Variants in DLG1 observed in about 807,000 individuals in gnomAD.
DLG1 encodes the protein discs large MAGUK scaffold protein 1.
In DLG1, 42 loss-of-function variants were observed where a neutral mutation model predicts 123.4. That is an observed-to-expected ratio of 0.34 (90% CI 0.27 to 0.44). DLG1 has a LOEUF of 0.44. Among genes scored for constraint, DLG1 ranks in the 20% least tolerant of loss-of-function variants. The pLI is 1.00. For missense variants in DLG1, 942 were observed against 1,082.6 expected, an observed-to-expected ratio of 0.87 and a Z score of 1.82; for synonymous variants, 317 against 356.2, an observed-to-expected ratio of 0.89 and a Z score of 1.24.
At chr3:197,089,071 C>A (rs1030917163) in intron 15 of DLG1, among the ~76,000 whole-genome samples, 1 of 151,760 alleles carries the variant, frequency 6.6e-6, no homozygotes, top group Non-Finnish European at 1.5e-5. Context: ...GCAGTATATG[C>A]ATGTTATTTA....
At chr3:197,076,310 A>C (rs1578628700) in intron 18 of DLG1, among the ~76,000 whole-genome samples, 1 of 152,360 alleles carries the variant, frequency 6.6e-6, no homozygotes, top group South Asian at 2.1e-4. Context: ...TTTTCATAAA[A>C]ATCTTTCCTT....
Position 197,115,949 on chromosome 3 carries a change from C to T in DLG1, c.1421G>A (p.Arg474Lys), listed in dbSNP as rs1482015206. 6 of 1,612,734 alleles carry T rather than the reference C, an allele frequency of 3.7e-6. No individual in the cohort carries two copies. The Admixed American group carries it at 1.0e-4, about 27-fold the overall frequency. ...TACCGATATAATACGATCTCCTTTTCTGAGCTCTCCACTTAGATCAGCAGG... is the reference window on the plus strand; with the variant it reads ...TACCGATATAATACGATCTCCTTTTTTGAGCTCTCCACTTAGATCAGCAGG... ...GGPADLSGEL[R>K]KGDRIISVNS... The change falls in exon 13 of 25, where the codon AGA becomes AAA. Residue 474 changes from arginine (R) to lysine (K), a missense_variant. Transcript: ENST00000667157.
intron 5 of DLG1, among the ~76,000 whole-genome samples, chr3:197,171,233 A>G (rs1400322749): frequency 6.6e-6 from 1 of 152,184 alleles, no homozygotes; most frequent in Non-Finnish European, 1.5e-5. Flanking sequence ...AGATTTATAA[A>G]AACTCTGCTT....
At chr3:197,292,536 A>G (rs1363846901) in intron 3 of DLG1, among the ~76,000 whole-genome samples, 3 of 152,216 alleles carry the variant, frequency 2.0e-5, no homozygotes, top group Non-Finnish European at 4.4e-5. Flanking sequence ...GTTTCACAAC[A>G]ATATGAATAC....
chr3:197,204,518 G>C (rs1216924702), intron 4 of DLG1, among the ~76,000 whole-genome samples: 1 of 152,144 alleles, frequency 6.6e-6, no homozygotes, highest in Non-Finnish European at 1.5e-5. Context: ...CATTAACTGG[G>C]AGCTGGAATG....
chr3:197,289,962 C>T (rs150991447), intron 3 of DLG1, among the ~76,000 whole-genome samples: 5 of 152,276 alleles, frequency 3.3e-5, no homozygotes, highest in African/African-American at 1.2e-4. Context: ...GGAACCAGAG[C>T]TTCTCAGAGA....
At chr3:197,072,297 A>G (rs1377327028) in intron 18 of DLG1, among the ~76,000 whole-genome samples, 4 of 152,072 alleles carry the variant, frequency 2.6e-5, no homozygotes, top group African/African-American at 9.7e-5. Flanking sequence ...AATTCTTTGA[A>G]GAGGATTTAG....
chr3:197,057,864 T>C (rs1732883390), intron 23 of DLG1, among the ~76,000 whole-genome samples: 1 of 152,222 alleles, frequency 6.6e-6, no homozygotes, highest in Non-Finnish European at 1.5e-5. Flanking sequence ...TATTGTATTT[T>C]ATTTTCAAAG....
intron 6 of DLG1, among the ~76,000 whole-genome samples, chr3:197,145,055 T>TCTCTCTCA (rs1553956085): frequency 1.1e-4 from 16 of 148,744 alleles, no homozygotes; most frequent in Non-Finnish European, 1.9e-4. Flanking sequence ...TCTCTCTCTC[T>TCTCTCTCA]CACACACACA....
At chr3:197,051,431 T>C (rs1447542768) in intron 24 of DLG1, 146 bp downstream of exon 24, 2 of 554,394 alleles carry the variant, frequency 3.6e-6, no homozygotes, top group Admixed American at 3.5e-5. Context: ...AAAAAAAAGG[T>C]TCCCCAGCAC....
At chr3:197,129,362 T>C (rs1366290198) in intron 11 of DLG1, among the ~76,000 whole-genome samples, 1 of 152,198 alleles carries the variant, frequency 6.6e-6, no homozygotes, top group African/African-American at 2.4e-5. Context: ...CACATTTCTC[T>C]TCTACAGCTT....
intron 5 of DLG1, among the ~76,000 whole-genome samples, chr3:197,191,405 T>C (rs1396582628): frequency 6.6e-6 from 1 of 152,142 alleles, no homozygotes; most frequent in East Asian, 1.9e-4. Context: ...ATTTAAAGAA[T>C]AGGCTACATA....
At chr3:197,180,755 T>TG (rs552191056) in intron 5 of DLG1, among the ~76,000 whole-genome samples, 234 of 151,776 alleles carry the variant, frequency 1.5e-3, no homozygotes, top group African/African-American at 5.0e-3. Flanking sequence ...GAAAAGGCAG[T>TG]GGAAAAGGAG....
chr3:197,160,857 T>C (rs150849705), intron 5 of DLG1, among the ~76,000 whole-genome samples: 103 of 152,292 alleles, frequency 6.8e-4, no homozygotes, highest in African/African-American at 2.3e-3. Context: ...AAAAAAAATC[T>C]ATGGGTTCAT....
At chr3:197,288,614 A>G (rs1452971941) in intron 3 of DLG1, among the ~76,000 whole-genome samples, 8 of 149,342 alleles carry the variant, frequency 5.4e-5, no homozygotes, top group Non-Finnish European at 1.2e-4. Flanking sequence ...CCAGCTATTC[A>G]GGAGGCTGAG....
At chr3:197,127,322 C>T (rs1159926497) in intron 11 of DLG1, among the ~76,000 whole-genome samples, 1 of 143,750 alleles carries the variant, frequency 7.0e-6, no homozygotes, top group Non-Finnish European at 1.5e-5. Flanking sequence ...ACTAGGGGGG[C>T]TGAGGCAGGA....
At chr3:197,130,986 G>T (rs1782166566) in intron 10 of DLG1, among the ~76,000 whole-genome samples, 1 of 152,140 alleles carries the variant, frequency 6.6e-6, no homozygotes, top group Non-Finnish European at 1.5e-5. Flanking sequence ...TATCTTTAAA[G>T]AAATGAAAAC....
intron 18 of DLG1, among the ~76,000 whole-genome samples, chr3:197,074,349 T>C (rs1201921703): frequency 6.6e-6 from 1 of 152,088 alleles, no homozygotes; most frequent in Non-Finnish European, 1.5e-5. Flanking sequence ...TTACCATTTT[T>C]CATATTATTT....
chr3:197,044,520 A>G lies in DLG1; in HGVS notation c.*103T>C. On this transcript the variant is annotated 3_prime_UTR_variant, in exon 25 of 25. Coordinates refer to ENST00000667157, the MANE Select transcript of DLG1 (RefSeq NM_001366207.1). Reference sequence around the variant, plus strand: ...TGCAGACCATGATGTGTGGGATACAATTCAACATGAAATCAGTACTCAAGA... The same window carrying G: ...TGCAGACCATGATGTGTGGGATACAGTTCAACATGAAATCAGTACTCAAGA... 1.5e-6 allele frequency: 1 copy of G among 686,478 alleles called. No individual in the cohort carries two copies. The highest frequency in any genetic ancestry group is 2.5e-6 in the Non-Finnish European group (1 of 400,874). The allele number at this position is 686,478 out of a possible 1,614,324, so 42.5% of individuals were successfully genotyped here.
Sources: allele counts gnomAD v4.1 joint callset (sites outside exome capture counted in the v4.1 genomes callset), GRCh38; gene constraint gnomAD v4.1.1; transcripts MANE v1.5; gene names NCBI Gene and HGNC (gene_info 2026-07-23, HGNC 2026-07-21).